SUMF1: variants seen among roughly 807,000 people sequenced by gnomAD.
The protein encoded by SUMF1 is sulfatase modifying factor 1.
In SUMF1, 48 loss-of-function variants were observed where a neutral mutation model predicts 47.6. The ratio of observed to expected loss-of-function variants is 1.01; its 90% CI spans 0.80 to 1.28. SUMF1 has a LOEUF of 1.28. Ranked by LOEUF, SUMF1 falls within the 50% of genes most tolerant of loss-of-function variation. The pLI, the probability that SUMF1 is intolerant of heterozygous loss-of-function variation, is 0.00. For missense variants in SUMF1, 571 were observed against 485.4 expected, an observed-to-expected ratio of 1.18 and a Z score of -1.66; for synonymous variants, 230 against 192.1, an observed-to-expected ratio of 1.20 and a Z score of -1.63.
chr3:4,076,763 A>G (rs1243823), intron 8 of SUMF1, among the ~76,000 whole-genome samples: 52,669 of 151,786 alleles, frequency 0.35, 9,494 homozygotes, highest in Admixed American at 0.46. Context: ...ACTTTGGGAG[A>G]CCGAGGCGGG....
chr3:4,332,610 CT>C (rs992718499), intron 8 of SUMF1, among the ~76,000 whole-genome samples: 5 of 152,080 alleles, frequency 3.3e-5, no homozygotes, highest in African/African-American at 1.2e-4. Context: ...AAAGATGTTT[CT>C]TTTACAAAGG....
chr3:4,462,277 C>A (rs1413599913), intron 1 of SUMF1, among the ~76,000 whole-genome samples: 1 of 152,112 alleles, frequency 6.6e-6, no homozygotes, highest in Non-Finnish European at 1.5e-5. Context: ...AAGACCCAAT[C>A]AAAGTTCATC....
Position 4,296,268 on chromosome 3 carries a change from C to G in SUMF1, c.1014+80062G>C, listed in dbSNP as rs145773273. On this transcript the variant is annotated intron_variant and NMD_transcript_variant, in intron 8 of 12. Coordinates refer to the SUMF1 transcript ENST00000448413. The stretch of plus-strand genomic sequence containing the variant: ...TTCTATTAATATTATTTTGGGAAGG[C>G]ACTCTTTAGTGAAGACACATCAGAA... 3.5e-3 allele frequency among the ~76,000 whole-genome samples: 521 copies of G among 150,074 alleles called. 5 individuals carry two copies. The highest frequency in any genetic ancestry group is 0.012 in the African/African-American group (489 of 40,642).
intron 8 of SUMF1, among the ~76,000 whole-genome samples, chr3:4,267,122 T>C (rs1392323535): frequency 6.6e-6 from 1 of 152,144 alleles, no homozygotes; most frequent in East Asian, 1.9e-4. Context: ...CTGGATTCAG[T>C]TTGCCAGTAT....
At chr3:4,187,050 C>T (rs1695214683) in intron 8 of SUMF1, among the ~76,000 whole-genome samples, 1 of 152,038 alleles carries the variant, frequency 6.6e-6, no homozygotes, top group Admixed American at 6.6e-5. Context: ...GGATGGTGGA[C>T]CATGTATCTT....
intron 8 of SUMF1, among the ~76,000 whole-genome samples, chr3:4,343,838 A>C (rs552707337): frequency 5.9e-5 from 9 of 152,354 alleles, no homozygotes; most frequent in African/African-American, 1.7e-4. Context: ...CAAATTGGCA[A>C]AGATATAAAT....
chr3:4,038,207 G>A (rs1559418015), intron 9 of SUMF1, among the ~76,000 whole-genome samples: 2 of 152,164 alleles, frequency 1.3e-5, no homozygotes, highest in Non-Finnish European at 2.9e-5. Flanking sequence ...TCTTTCACTT[G>A]TCTCCTGGGG....
At chr3:4,113,823 C>T (rs1022439129) in intron 8 of SUMF1, among the ~76,000 whole-genome samples, 2 of 152,032 alleles carry the variant, frequency 1.3e-5, no homozygotes, top group Non-Finnish European at 2.9e-5. Context: ...CAGATAGGAA[C>T]AATTACTGAA....
chr3:4,351,927 A>C (rs1441191793), intron 8 of SUMF1, among the ~76,000 whole-genome samples: 1 of 152,206 alleles, frequency 6.6e-6, no homozygotes, highest in Admixed American at 6.5e-5. Flanking sequence ...TAATTTTCAA[A>C]ATCTGAAGAA....
At chr3:4,280,251 A>G (rs967198488) in intron 8 of SUMF1, among the ~76,000 whole-genome samples, 2 of 152,186 alleles carry the variant, frequency 1.3e-5, no homozygotes, top group Non-Finnish European at 2.9e-5. Flanking sequence ...TCCAAGAGGC[A>G]TTTTATAAAT....
chr3:4,462,089 T>A (rs2079828452), intron 1 of SUMF1, among the ~76,000 whole-genome samples: 1 of 152,250 alleles, frequency 6.6e-6, no homozygotes, highest in Non-Finnish European at 1.5e-5. Flanking sequence ...TTTTGGTCCA[T>A]CCGGCACCCA....
intron 8 of SUMF1, among the ~76,000 whole-genome samples, chr3:4,181,276 C>G (rs898422179): frequency 1.3e-5 from 2 of 152,112 alleles, no homozygotes; most frequent in African/African-American, 4.8e-5. Context: ...TCACGTCTAC[C>G]TCCTTCCTCA....
chr3:4,303,963 C>T, intron 8 of SUMF1: 1 of 852,906 alleles, frequency 1.2e-6, no homozygotes, highest in Non-Finnish European at 1.6e-6. Context: ...CTCCCTCACG[C>T]TGTGGGCTCT....
At chr3:4,264,046 T>C (rs1033536877) in intron 8 of SUMF1, among the ~76,000 whole-genome samples, 2 of 152,146 alleles carry the variant, frequency 1.3e-5, no homozygotes, top group African/African-American at 4.8e-5. Context: ...TATTTCCTTC[T>C]CCTAGTGACA....
intron 8 of SUMF1, among the ~76,000 whole-genome samples, chr3:4,073,032 A>G (rs1692318510): frequency 6.6e-6 from 1 of 152,228 alleles, no homozygotes; most frequent in Non-Finnish European, 1.5e-5. Flanking sequence ...AGACAAAACC[A>G]TCCGACTCAC....
At chr3:4,259,091 T>A (rs1299694014) in intron 8 of SUMF1, among the ~76,000 whole-genome samples, 1 of 135,206 alleles carries the variant, frequency 7.4e-6, no homozygotes, top group Non-Finnish European at 1.5e-5. Context: ...GGAAGGGGGA[T>A]ATCACACTCT....
At chr3:4,368,005 G>C (rs1239756787) in intron 8 of SUMF1, among the ~76,000 whole-genome samples, 3 of 151,892 alleles carry the variant, frequency 2.0e-5, no homozygotes, top group Admixed American at 1.3e-4. Flanking sequence ...TTAAACTAAA[G>C]AGCTTCTGCA....
chr3:4,283,653 A>C (rs1697573557), intron 8 of SUMF1, among the ~76,000 whole-genome samples: 1 of 152,254 alleles, frequency 6.6e-6, no homozygotes, highest in South Asian at 2.1e-4. Flanking sequence ...AGCATAATAG[A>C]AGTCTAAGTA....
chr3:4,417,770 T>C (rs998451516), intron 5 of SUMF1, among the ~76,000 whole-genome samples: 1 of 152,216 alleles, frequency 6.6e-6, no homozygotes, highest in Non-Finnish European at 1.5e-5. Context: ...GGGGGTTGAA[T>C]TGCTAAGACT....
Sources: gnomAD v4.1 joint callset for allele counts (sites outside exome capture counted in the v4.1 genomes callset) on GRCh38, gnomAD v4.1.1 for gene constraint, MANE v1.5 for transcripts, NCBI Gene and HGNC (gene_info 2026-07-23, HGNC 2026-07-21) for gene names.